SLC9A9: variants seen among roughly 807,000 people sequenced by gnomAD.
SLC9A9 encodes the protein sodium/hydrogen exchanger 9.
A neutral mutation model predicts 77.8 loss-of-function variants in SLC9A9; 62 were observed. That is an observed-to-expected ratio of 0.80 (90% CI 0.65 to 0.98). The LOEUF is 0.98. Ranked by LOEUF, SLC9A9 falls within the 50% of genes least tolerant of loss-of-function variation. The probability of loss-of-function intolerance (pLI) is 0.00; values close to 1 mark genes in which losing one functional copy is unlikely to be tolerated. For synonymous variants in SLC9A9, 320 were observed against 283.5 expected (o/e 1.13, Z -1.29); for missense variants, 775 against 774.9 (o/e 1.00, Z 0.00).
intron 5 of SLC9A9, among the ~76,000 whole-genome samples, chr3:143,668,914 CAATTCT>C (rs2039116856): frequency 6.6e-6 from 1 of 152,164 alleles, no homozygotes; most frequent in Non-Finnish European, 1.5e-5. Flanking sequence ...GACAAAAGGT[CAATTCT>C]TGTCCTTTCT....
intron 14 of SLC9A9, among the ~76,000 whole-genome samples, chr3:143,320,364 T>G (rs968749936): frequency 6.6e-6 from 1 of 152,220 alleles, no homozygotes; most frequent in Non-Finnish European, 1.5e-5. Flanking sequence ...CATTGTGGGT[T>G]GAATTATGTG....
At chr3:143,681,386 C>A (rs1464034470) in intron 5 of SLC9A9, among the ~76,000 whole-genome samples, 1 of 152,084 alleles carries the variant, frequency 6.6e-6, no homozygotes, top group Non-Finnish European at 1.5e-5. Context: ...ATTTTATTCT[C>A]TTATAATGTA....
rs146245287 is a variant in SLC9A9 at position 143,668,588 on chromosome 3, A to T, written c.650-16228T>A. ...TTTTTTGAATAGAACTTTTTGGCTA[A>T]AAAGTTGATTATCACTGGTATTAGT... On this transcript the variant is annotated intron_variant, in intron 5 of 15. Coordinates refer to ENST00000316549, the MANE Select transcript of SLC9A9 (RefSeq NM_173653.4). Among the ~76,000 whole-genome samples, 29 of 152,316 alleles carry T rather than the reference A, an allele frequency of 1.9e-4. No individual in the cohort carries two copies. The East Asian group carries it at 4.4e-3, about 23-fold the overall frequency.
chr3:143,355,337 T>G (rs1278115183), intron 14 of SLC9A9, among the ~76,000 whole-genome samples: 2 of 152,238 alleles, frequency 1.3e-5, no homozygotes, highest in African/African-American at 2.4e-5. Context: ...GACATGTGGC[T>G]ATCAGTAGGT....
At chr3:143,368,626 A>G (rs2032970340) in intron 13 of SLC9A9, among the ~76,000 whole-genome samples, 1 of 152,226 alleles carries the variant, frequency 6.6e-6, no homozygotes, top group Admixed American at 6.5e-5. Flanking sequence ...ACAAATAATT[A>G]TCATAATAAA....
intron 9 of SLC9A9, among the ~76,000 whole-genome samples, chr3:143,521,256 T>C (rs988887043): frequency 4.6e-5 from 7 of 152,238 alleles, no homozygotes; most frequent in Middle Eastern, 3.4e-3. Context: ...AACTAACCTA[T>C]ACTTATTGAG....
At chr3:143,377,316 A>T (rs1039810860) in intron 13 of SLC9A9, among the ~76,000 whole-genome samples, 2 of 152,226 alleles carry the variant, frequency 1.3e-5, no homozygotes, top group Non-Finnish European at 2.9e-5. Flanking sequence ...TTAGCAAACA[A>T]GTCTTCATTC....
chr3:143,471,210 C>T (rs1010500179), intron 11 of SLC9A9, among the ~76,000 whole-genome samples: 9 of 152,252 alleles, frequency 5.9e-5, no homozygotes, highest in East Asian at 1.9e-4. Flanking sequence ...GTGAGGCTGC[C>T]GGGTGGACAA....
In SLC9A9 at chr3:143,552,214, A is replaced by AC. The variant is rs1437171776; in HGVS notation, c.1089+147_1089+148insG. 21 of 608,692 alleles carry AC rather than the reference A, an allele frequency of 3.5e-5. No individual in the cohort carries two copies. The South Asian group carries it at 4.9e-4, about 14-fold the overall frequency. 37.7% of individuals were successfully genotyped at this position (608,692 alleles called of 1,614,324 possible). Reference sequence around the variant, plus strand: ...GTTAATGGTTATCCTGGAGGGAAAAAAATCTATAAATATCCAACTCGTAAT... The same window carrying AC: ...GTTAATGGTTATCCTGGAGGGAAAAACAATCTATAAATATCCAACTCGTAAT... On this transcript the variant is annotated intron_variant, in intron 9 of 15. Coordinates refer to ENST00000316549, the MANE Select transcript of SLC9A9 (RefSeq NM_173653.4).
chr3:143,363,202 G>A (rs2032801324), intron 14 of SLC9A9, among the ~76,000 whole-genome samples: 1 of 152,186 alleles, frequency 6.6e-6, no homozygotes, highest in Non-Finnish European at 1.5e-5. Flanking sequence ...CAGCAAAACA[G>A]CTTCTTCAGG....
In SLC9A9 at chr3:143,476,891, A is replaced by T. The variant is rs115065727; in HGVS notation, c.1316-9701T>A. ...TGTTAAACATTCTGCAATGTTCAAG[A>T]CAGTCTCCACAACAAAGAATTATCT... On this transcript the variant is annotated intron_variant, in intron 11 of 15. Transcript: ENST00000316549. Among the ~76,000 whole-genome samples, 782 of 152,280 alleles carry T rather than the reference A, an allele frequency of 5.1e-3. 7 individuals carry two copies. Among genetic ancestry groups the T allele is most frequent in the African/African-American group, 0.017 (720 of 41,556 alleles).
intron 5 of SLC9A9, among the ~76,000 whole-genome samples, chr3:143,677,432 A>G (rs1932920283): frequency 6.7e-6 from 1 of 149,298 alleles, no homozygotes; most frequent in Non-Finnish European, 1.5e-5. Flanking sequence ...GATGTCCTAC[A>G]ATCTATCATC....
At chr3:143,583,476 T>G (rs1355498065) in intron 6 of SLC9A9, among the ~76,000 whole-genome samples, 2 of 152,238 alleles carry the variant, frequency 1.3e-5, no homozygotes, top group African/African-American at 4.8e-5. Flanking sequence ...ATGATGCTCC[T>G]GCAAGGAATG....
At chr3:143,630,335 C>T (rs2038401342) in intron 6 of SLC9A9, among the ~76,000 whole-genome samples, 1 of 152,204 alleles carries the variant, frequency 6.6e-6, no homozygotes. Context: ...GATTGTGTCT[C>T]AAGAACTGCA....
At chr3:143,319,509 C>G (rs2031340086) in intron 14 of SLC9A9, among the ~76,000 whole-genome samples, 1 of 152,224 alleles carries the variant, frequency 6.6e-6, no homozygotes, top group Non-Finnish European at 1.5e-5. Context: ...CCTCACAGGA[C>G]AGTGGCTGTT....
rs550891972 is a variant in SLC9A9 at position 143,413,183 on chromosome 3, T to C, written c.1470-31069A>G. Among the ~76,000 whole-genome samples the C allele has an allele frequency of 4.6e-5, 7 of 152,256 alleles. No homozygotes were observed. The East Asian group carries it at 1.4e-3, about 29-fold the overall frequency. On this transcript the variant is annotated intron_variant, in intron 12 of 15. Transcript: ENST00000316549. ...ATTTCATGGAGTGCCTCCTTCTCAA[T>C]TGCCTGGGAGTGTGAAGGCAGTAAA...
intron 4 of SLC9A9, among the ~76,000 whole-genome samples, chr3:143,771,254 A>G (rs2007506781): frequency 6.6e-6 from 1 of 152,164 alleles, no homozygotes; most frequent in African/African-American, 2.4e-5. Context: ...ATCTGCAGGG[A>G]ACAGGGAGGA....
chr3:143,301,748 AC>A (rs1414268739), intron 14 of SLC9A9, among the ~76,000 whole-genome samples: 1 of 152,080 alleles, frequency 6.6e-6, no homozygotes, highest in Non-Finnish European at 1.5e-5. Context: ...AAGTGTGAGA[AC>A]CACTGTCCTA....
At chr3:143,720,262 C>T (rs72993520) in intron 4 of SLC9A9, among the ~76,000 whole-genome samples, 35,844 of 150,298 alleles carry the variant, frequency 0.24, 5,146 homozygotes, top group East Asian at 0.64. Flanking sequence ...TTTTTTTTCA[C>T]ATTTGGGTTC....
Sources: allele counts gnomAD v4.1 joint callset (sites outside exome capture counted in the v4.1 genomes callset), GRCh38; gene constraint gnomAD v4.1.1; transcripts MANE v1.5; gene names NCBI Gene and HGNC (gene_info 2026-07-23, HGNC 2026-07-21).